GLIS3: variants seen among roughly 807,000 people sequenced by gnomAD.
The protein encoded by GLIS3 is GLIS family zinc finger 3.
A neutral mutation model predicts 78.6 loss-of-function variants in GLIS3; 53 were observed. The observed-to-expected ratio is 0.67, with a 90% confidence interval of 0.54 to 0.85. GLIS3 has a LOEUF of 0.85. GLIS3 is among the 40% of genes least tolerant of loss of function. The pLI, the probability that GLIS3 is intolerant of heterozygous loss-of-function variation, is 0.00. For missense variants in GLIS3, 1,703 were observed against 1,231.1 expected, an observed-to-expected ratio of 1.38 and a Z score of -5.74; for synonymous variants, 684 against 509.9, an observed-to-expected ratio of 1.34 and a Z score of -4.60.
intron 2 of GLIS3, among the ~76,000 whole-genome samples, chr9:4,244,057 A>G (rs80024673): frequency 6.6e-6 from 1 of 152,168 alleles, no homozygotes; most frequent in Non-Finnish European, 1.5e-5. Flanking sequence ...AACACTTAAA[A>G]TTTCCTTTCT....
chr9:4,142,288 T>C (rs1186441411), intron 2 of GLIS3, among the ~76,000 whole-genome samples: 2 of 152,232 alleles, frequency 1.3e-5, no homozygotes, highest in Non-Finnish European at 2.9e-5. Flanking sequence ...AAGTTAAATG[T>C]TAATCAAGTT....
chr9:4,400,062 G>A, the GLIS3 span, among the ~76,000 whole-genome samples: 1 of 152,176 alleles, frequency 6.6e-6, no homozygotes, highest in Non-Finnish European at 1.5e-5. Context: ...GAAGAACCTT[G>A]GAAGCCATGT....
intron 4 of GLIS3, among the ~76,000 whole-genome samples, chr9:4,308,472 G>A (rs1425622330): frequency 1.3e-5 from 2 of 151,828 alleles, no homozygotes; most frequent in East Asian, 1.9e-4. Context: ...AGAATGAAGA[G>A]AAAGGACCTT....
chr9:4,392,856 T>G, the GLIS3 span, among the ~76,000 whole-genome samples: 1 of 152,088 alleles, frequency 6.6e-6, no homozygotes, highest in Non-Finnish European at 1.5e-5. Flanking sequence ...TAGATGCCCT[T>G]TGCCAGAATG....
the GLIS3 span, among the ~76,000 whole-genome samples, chr9:4,373,507 G>T: frequency 2.6e-5 from 4 of 152,220 alleles, no homozygotes; most frequent in Middle Eastern, 0.01. Context: ...GAAGCTGCAC[G>T]TATTTCTGGG....
At chr9:4,059,864 G>A (rs1011540638) in intron 4 of GLIS3, among the ~76,000 whole-genome samples, 2 of 150,134 alleles carry the variant, frequency 1.3e-5, no homozygotes, top group South Asian at 2.1e-4. Flanking sequence ...GAGAGAGAGA[G>A]AGAAAGAGAG....
the GLIS3 span, among the ~76,000 whole-genome samples, chr9:4,464,729 A>G: frequency 6.6e-6 from 1 of 152,216 alleles, no homozygotes; most frequent in African/African-American, 2.4e-5. Flanking sequence ...AATTGAATAA[A>G]AAGAAAATAA....
At chr9:4,197,768 C>T (rs569478549) in intron 2 of GLIS3, among the ~76,000 whole-genome samples, 2 of 152,248 alleles carry the variant, frequency 1.3e-5, no homozygotes, top group South Asian at 4.1e-4. Flanking sequence ...CAAAGGCCAC[C>T]GCCAGCTCTT....
intron 2 of GLIS3, among the ~76,000 whole-genome samples, chr9:4,319,112 T>A (rs1358255400): frequency 6.6e-6 from 1 of 152,118 alleles, no homozygotes; most frequent in East Asian, 1.9e-4. Flanking sequence ...GGAGACAAAA[T>A]ATACATGACA....
At chr9:4,241,478 A>G (rs996704524) in intron 2 of GLIS3, among the ~76,000 whole-genome samples, 2 of 152,182 alleles carry the variant, frequency 1.3e-5, no homozygotes, top group African/African-American at 4.8e-5. Context: ...TTTCTACCTT[A>G]AAGACAATAC....
intron 4 of GLIS3, among the ~76,000 whole-genome samples, chr9:3,957,985 A>C (rs892453588): frequency 2.6e-5 from 4 of 152,226 alleles, no homozygotes; most frequent in African/African-American, 9.6e-5. Flanking sequence ...ATTCCGTGGC[A>C]GCAAAATGTC....
At chr9:4,112,908 C>T (rs1239279616) in intron 4 of GLIS3, among the ~76,000 whole-genome samples, 1 of 152,086 alleles carries the variant, frequency 6.6e-6, no homozygotes, top group Non-Finnish European at 1.5e-5. Context: ...GTAAAACCCT[C>T]ACATCCCATC....
chr9:4,247,902 T>A (rs963791962), intron 2 of GLIS3, among the ~76,000 whole-genome samples: 11 of 152,192 alleles, frequency 7.2e-5, no homozygotes, highest in African/African-American at 2.7e-4. Context: ...TTTGTGGTGA[T>A]ACATTTGAAA....
At chr9:4,408,770 A>T in the GLIS3 span, among the ~76,000 whole-genome samples, 3 of 151,186 alleles carry the variant, frequency 2.0e-5, no homozygotes, top group Non-Finnish European at 4.4e-5. Context: ...AATAGGACCT[A>T]GTATTTGATG....
chr9:3,852,760 G>A (rs1462046746), intron 9 of GLIS3, among the ~76,000 whole-genome samples: 1 of 152,176 alleles, frequency 6.6e-6, no homozygotes, highest in Non-Finnish European at 1.5e-5. Flanking sequence ...TAATACAGGG[G>A]CACGCCCTTT....
At chr9:4,448,184 C>A in the GLIS3 span, among the ~76,000 whole-genome samples, 1 of 152,212 alleles carries the variant, frequency 6.6e-6, no homozygotes, top group African/African-American at 2.4e-5. Flanking sequence ...AAGACAATCT[C>A]CTTAGCTGCA....
At chr9:4,415,221 T>A in the GLIS3 span, among the ~76,000 whole-genome samples, 4 of 152,310 alleles carry the variant, frequency 2.6e-5, no homozygotes, top group Non-Finnish European at 5.9e-5. Flanking sequence ...ATTGACTCCC[T>A]CAGACAAAGT....
intron 9 of GLIS3, among the ~76,000 whole-genome samples, chr9:3,844,030 C>T (rs995121881): frequency 6.6e-6 from 1 of 152,124 alleles, no homozygotes; most frequent in Admixed American, 6.5e-5. Context: ...GGGGAAATTC[C>T]TGTAATCAGA....
intron 4 of GLIS3, among the ~76,000 whole-genome samples, chr9:4,093,670 A>G (rs1829706141): frequency 6.6e-6 from 1 of 152,208 alleles, no homozygotes; most frequent in African/African-American, 2.4e-5. Flanking sequence ...AGCTTATCAC[A>G]GGACAAGGCA....
Sources: allele counts gnomAD v4.1 joint callset (sites outside exome capture counted in the v4.1 genomes callset), GRCh38; gene constraint gnomAD v4.1.1; transcripts MANE v1.5; gene names NCBI Gene and HGNC (gene_info 2026-07-23, HGNC 2026-07-21).